Variants in PRIM2 observed in about 807,000 individuals in gnomAD.
The protein encoded by PRIM2 is DNA primase large subunit.
A neutral mutation model predicts 67.3 loss-of-function variants in PRIM2; 39 were observed. The observed-to-expected ratio is 0.58, with a 90% CI of 0.45 to 0.76. The LOEUF (loss-of-function observed/expected upper bound fraction) is 0.76. PRIM2 is among the 30% of genes least tolerant of loss of function. The pLI is 0.00. For synonymous variants in PRIM2, 143 were observed against 198.7 expected, an observed-to-expected ratio of 0.72 and a Z score of 2.36; for missense variants, 398 against 598.7, an observed-to-expected ratio of 0.66 and a Z score of 3.50.
chr6:57,508,991 T>G (rs1446045644), intron 8 of PRIM2, among the ~76,000 whole-genome samples: 1 of 152,218 alleles, frequency 6.6e-6, no homozygotes, highest in Non-Finnish European at 1.5e-5. Context: ...TGAAAAATTC[T>G]TTTTAAACTT....
chr6:57,304,451 C>T, the PRIM2 span, among the ~76,000 whole-genome samples: 6 of 152,088 alleles, frequency 3.9e-5, no homozygotes, highest in Non-Finnish European at 8.8e-5. Flanking sequence ...CAGAAAATTC[C>T]CACAGTGAAG....
Position 57,385,155 on chromosome 6 carries a change from G to T in PRIM2, c.693+2987G>T, listed in dbSNP as rs529474534. ...TTTCTACTTTCTGGGTAGAAGTGGGGGATCTATACTGAGAGAAAAGACAGA... is the reference window on the plus strand; with the variant it reads ...TTTCTACTTTCTGGGTAGAAGTGGGTGATCTATACTGAGAGAAAAGACAGA... On this transcript the variant is annotated intron_variant, in intron 7 of 13. Transcript: ENST00000615550. 1.9e-3 allele frequency among the ~76,000 whole-genome samples: 287 copies of T among 152,116 alleles called. 5 individuals carry two copies. Among genetic ancestry groups the T allele is most frequent in the Non-Finnish European group, 2.3e-3 (156 of 67,988 alleles).
chr6:57,560,855 A>G (rs1775613477), intron 10 of PRIM2, among the ~76,000 whole-genome samples: 1 of 152,178 alleles, frequency 6.6e-6, no homozygotes, highest in Non-Finnish European at 1.5e-5. Context: ...TTCCATTTAG[A>G]GGTCACAGGC....
In PRIM2 at chr6:57,416,938, A is replaced by G. The variant is rs76037666; in HGVS notation, c.693+34770A>G. On this transcript the variant is annotated intron_variant, in intron 7 of 13. Coordinates refer to ENST00000615550, the MANE Select transcript of PRIM2 (RefSeq NM_000947.5). ...CATTAAAACTTTCTTTATATTGGTAATATGGCTGCTTCACTTCACTTTCTT... is the reference window on the plus strand; with the variant it reads ...CATTAAAACTTTCTTTATATTGGTAGTATGGCTGCTTCACTTCACTTTCTT... Among the ~76,000 whole-genome samples the G allele has an allele frequency of 4.1e-3, 623 of 150,616 alleles. 1 individual carries two copies. The highest frequency in any genetic ancestry group is 0.013 in the African/African-American group (539 of 41,172).
chr6:57,522,086 G>T (rs1774637388), intron 8 of PRIM2, among the ~76,000 whole-genome samples: 1 of 151,608 alleles, frequency 6.6e-6, no homozygotes, highest in Admixed American at 6.6e-5. Flanking sequence ...TCAGGTTACC[G>T]CCAAGCTAAT....
intron 10 of PRIM2, among the ~76,000 whole-genome samples, chr6:57,571,695 G>A (rs1775866103): frequency 1.3e-5 from 2 of 152,056 alleles, no homozygotes; most frequent in African/African-American, 4.8e-5. Context: ...CACAACAACA[G>A]TGAATGCATT....
chr6:57,570,896 C>T (rs1292564119), intron 10 of PRIM2, among the ~76,000 whole-genome samples: 1 of 152,022 alleles, frequency 6.6e-6, no homozygotes, highest in Non-Finnish European at 1.5e-5. Context: ...AGCTGAGGAG[C>T]ATTTTTTTTA....
chr6:57,415,315 C>T lies in PRIM2; in HGVS notation c.693+33147C>T, dbSNP rs9464478. ...CATCAAAGATATTGCAGGTTCTGTT[C>T]GAGACTAATAGAGTGAATATTGCAA... On this transcript the variant is annotated intron_variant, in intron 7 of 13. Transcript: ENST00000615550. Among the ~76,000 whole-genome samples, 68 of 152,194 alleles carry T rather than the reference C, an allele frequency of 4.5e-4. No homozygotes were observed. In the East Asian group the frequency reaches 5.2e-3, roughly 12 times the overall value.
chr6:57,398,684 A>G (rs1223053948), intron 7 of PRIM2, among the ~76,000 whole-genome samples: 1 of 152,210 alleles, frequency 6.6e-6, no homozygotes, highest in Non-Finnish European at 1.5e-5. Context: ...TGTTGAGTTC[A>G]GGTCCTAAAT....
intron 8 of PRIM2, among the ~76,000 whole-genome samples, chr6:57,508,795 ATTC>A (rs1774300311): frequency 6.6e-6 from 1 of 152,154 alleles, no homozygotes; most frequent in African/African-American, 2.4e-5. Flanking sequence ...AACTACCTGT[ATTC>A]TTTGCTCACT....
chr6:57,374,355 G>A (rs1417534225), intron 5 of PRIM2, among the ~76,000 whole-genome samples: 4 of 149,424 alleles, frequency 2.7e-5, no homozygotes, highest in Non-Finnish European at 4.4e-5. Context: ...GTGCAGTGGC[G>A]CGATCTCGAC....
At chr6:57,412,612 T>TA (rs1341677528) in intron 7 of PRIM2, among the ~76,000 whole-genome samples, 104 of 152,236 alleles carry the variant, frequency 6.8e-4, no homozygotes, top group African/African-American at 2.5e-3. Flanking sequence ...ATTTTACAGT[T>TA]AAATATCTTG....
chr6:57,463,583 T>C (rs2127398404), intron 7 of PRIM2, among the ~76,000 whole-genome samples: 1 of 152,360 alleles, frequency 6.6e-6, no homozygotes, highest in South Asian at 2.1e-4. Flanking sequence ...GATTTGGTTC[T>C]ATGATTCAAA....
intron 7 of PRIM2, among the ~76,000 whole-genome samples, chr6:57,406,724 G>A (rs1283522469): frequency 6.6e-6 from 1 of 152,024 alleles, no homozygotes; most frequent in African/African-American, 2.4e-5. Flanking sequence ...AGAAGGAAAT[G>A]TTTTATGAGA....
the PRIM2 span, among the ~76,000 whole-genome samples, chr6:57,282,990 G>A: frequency 9.9e-5 from 15 of 151,624 alleles, no homozygotes; most frequent in Middle Eastern, 6.8e-3. Flanking sequence ...TTTTTTTCTA[G>A]TACTCTCACT....
intron 10 of PRIM2, among the ~76,000 whole-genome samples, chr6:57,565,560 A>T (rs1333107323): frequency 6.6e-6 from 1 of 151,858 alleles, no homozygotes; most frequent in Non-Finnish European, 1.5e-5. Flanking sequence ...CAGACAGGAG[A>T]ATTCTCCCTT....
intron 10 of PRIM2, among the ~76,000 whole-genome samples, chr6:57,568,557 GTAGAACATTATGA>G (rs1330413393): frequency 2.0e-5 from 3 of 152,180 alleles, no homozygotes; most frequent in Non-Finnish European, 4.4e-5. Context: ...AAACACCATT[GTAGAACATTATGA>G]TAGAATAGAA....
intron 6 of PRIM2, among the ~76,000 whole-genome samples, chr6:57,381,052 C>G (rs962671242): frequency 3.3e-5 from 5 of 151,814 alleles, no homozygotes; most frequent in Non-Finnish European, 7.4e-5. Flanking sequence ...TGCAGTAAAC[C>G]CTCTTACCTG....
At chr6:57,426,059 G>A (rs1341602183) in intron 7 of PRIM2, among the ~76,000 whole-genome samples, 1 of 152,028 alleles carries the variant, frequency 6.6e-6, no homozygotes, top group Non-Finnish European at 1.5e-5. Context: ...AATTGAAGAT[G>A]GAAAGTAACT....
Sources: gnomAD v4.1 joint callset for allele counts (sites outside exome capture counted in the v4.1 genomes callset) on GRCh38, gnomAD v4.1.1 for gene constraint, MANE v1.5 for transcripts, NCBI Gene and HGNC (gene_info 2026-07-23, HGNC 2026-07-21) for gene names.